The following PMPCB variants were observed in gnomAD, a reference collection of about 807,000 sequenced individuals.
PMPCB encodes the protein mitochondrial-processing peptidase subunit beta.
PMPCB carries 46 observed loss-of-function variants against 61.5 expected under a neutral mutation model. That is an observed-to-expected ratio of 0.75 (90% CI 0.59 to 0.96). The LOEUF (loss-of-function observed/expected upper bound fraction) is 0.96. Among genes scored for constraint, PMPCB ranks in the 40% least tolerant of loss-of-function variants. PMPCB has a pLI of 0.00. For synonymous variants in PMPCB, 191 were observed against 201.6 expected, an observed-to-expected ratio of 0.95 and a Z score of 0.44; for missense variants, 590 against 602.4, an observed-to-expected ratio of 0.98 and a Z score of 0.22.
In PMPCB at chr7:103,322,569, T is replaced by G. The variant is rs756305848; in HGVS notation, c.*1432-6362T>G. The G allele has an allele frequency of 1.9e-6, 3 of 1,598,592 alleles. No homozygotes were observed. The highest frequency in any genetic ancestry group is 2.2e-5 in the East Asian group (1 of 44,720). On this transcript the variant is annotated intron_variant and NMD_transcript_variant, in intron 12 of 12. Coordinates refer to the PMPCB transcript ENST00000444457. ...TTCTGCTTTTGCTTTCTTTTCTGCT[T>G]CTTTCTTGGCTTTTTCTTCTTCCTT...
At chr7:103,304,526 A>G in intron 6 of PMPCB, 36 bp downstream of exon 6, 1 of 1,380,892 alleles carries the variant, frequency 7.2e-7, no homozygotes, top group Non-Finnish European at 1.0e-6. Flanking sequence ...TGTTTTAAAC[A>G]CAGTTGTTGG....
the PMPCB span, chr7:103,337,849 G>A: frequency 1.4e-6 from 2 of 1,477,434 alleles, no homozygotes; most frequent in Non-Finnish European, 1.9e-6. Context: ...AATTTGAAAT[G>A]AAGCCAATAT....
intron 4 of PMPCB, among the ~76,000 whole-genome samples, chr7:103,302,923 T>G (rs1817486741): frequency 6.6e-6 from 1 of 152,122 alleles, no homozygotes; most frequent in South Asian, 2.1e-4. Flanking sequence ...TTTATAACAT[T>G]AATCGTATTA....
intron 12 of PMPCB, among the ~76,000 whole-genome samples, chr7:103,325,776 T>C (rs548641878): frequency 3.2e-4 from 49 of 152,296 alleles, no homozygotes; most frequent in African/African-American, 1.1e-3. Flanking sequence ...TTTAATGAAA[T>C]AAAATACGTA....
At chr7:103,335,676 G>A in the PMPCB span, 4 of 152,180 alleles carry the variant, frequency 2.6e-5, no homozygotes, top group Non-Finnish European at 5.9e-5. Context: ...CTCCCAAGTA[G>A]TTGGGCTTAC....
intron 6 of PMPCB, 21 bp downstream of exon 6, chr7:103,304,511 A>G (rs1461132098): frequency 6.6e-7 from 1 of 1,511,118 alleles, no homozygotes; most frequent in African/African-American, 1.4e-5. Flanking sequence ...TTAAATTTCT[A>G]CAAATGTTTT....
chr7:103,298,490 T>C (rs1279606859), intron 1 of PMPCB, 78 bp from the exon 2 acceptor site: 4 of 1,376,920 alleles, frequency 2.9e-6, no homozygotes, highest in Non-Finnish European at 2.0e-6. Flanking sequence ...TAAAATAGAT[T>C]TGGTTTTAAA....
chr7:103,324,623 AAC>A, intron 12 of PMPCB: 1 of 1,277,580 alleles, frequency 7.8e-7, no homozygotes, highest in Non-Finnish European at 1.0e-6. Context: ...CAGTTCAACA[AAC>A]AATTTAATTT....
At position 103,307,659 on chromosome 7, in the gene PMPCB, A is replaced by G; in HGVS notation, c.800A>G (p.His267Arg). The change falls in exon 7 of 13, where the codon CAC becomes CGC. Residue 267 changes from histidine (H) to arginine (R), a missense_variant. Coordinates refer to ENST00000249269, the MANE Select transcript of PMPCB (RefSeq NM_004279.3). ...KFHFGDSLCTHKGEIPALPPC... is the reference protein window; with the variant it reads ...KFHFGDSLCTRKGEIPALPPC... ...CATTTCGGTGACTCTTTATGCACAC[A>G]CAAAGGAGAAATACCAGCTCTGCCT... The G allele has an allele frequency of 1.2e-6, 2 of 1,613,818 alleles. No homozygotes were observed. Among genetic ancestry groups the G allele is most frequent in the East Asian group, 2.2e-5 (1 of 44,872 alleles).
chr7:103,321,742 G>C (rs1420099425), intron 12 of PMPCB, among the ~76,000 whole-genome samples: 1 of 151,514 alleles, frequency 6.6e-6, no homozygotes, highest in Non-Finnish European at 1.5e-5. Context: ...CCAGCTACTC[G>C]GGAGGCTGAG....
chr7:103,315,698 T>C, downstream of PMPCB: 2 of 1,057,186 alleles, frequency 1.9e-6, no homozygotes, highest in Non-Finnish European at 2.9e-6. Flanking sequence ...AGACCCTAAG[T>C]CTTGTACGTC....
At position 103,322,816 on chromosome 7, in the gene PMPCB, A is replaced by T. The variant is rs768146057; in HGVS notation, c.*1432-6115A>T. 7 of 1,561,968 alleles carry T rather than the reference A, an allele frequency of 4.5e-6. No individual in the cohort carries two copies. The Admixed American group carries it at 1.0e-4, about 23-fold the overall frequency. On this transcript the variant is annotated intron_variant and NMD_transcript_variant, in intron 12 of 12. Coordinates refer to the PMPCB transcript ENST00000444457. ...ACGACTATAAAATAGAAAATATTGGAAACAAACTACTGCTTATAGATGCTA... is the reference window on the plus strand; with the variant it reads ...ACGACTATAAAATAGAAAATATTGGTAACAAACTACTGCTTATAGATGCTA...
rs542215519 is a variant in PMPCB, at chr7:103,327,902, A to G, written c.*1432-1029A>G. Reference sequence around the variant, plus strand: ...TATATGCTTATTCAATGTGAAAATTATAGAGAAACTGATTTATTTCTTCTT... The same window carrying G: ...TATATGCTTATTCAATGTGAAAATTGTAGAGAAACTGATTTATTTCTTCTT... On this transcript the variant is annotated intron_variant and NMD_transcript_variant, in intron 12 of 12. Transcript: ENST00000444457. 97 of 550,126 alleles carry G rather than the reference A, an allele frequency of 1.8e-4. 1 individual carries two copies. The highest frequency in any genetic ancestry group is 6.8e-4 in the South Asian group (26 of 38,292). The allele number at this position is 550,126 out of a possible 1,614,324, so 34.1% of individuals were successfully genotyped here.
chr7:103,330,434 C>T (rs1818919542), downstream of PMPCB, among the ~76,000 whole-genome samples: 1 of 149,742 alleles, frequency 6.7e-6, no homozygotes, highest in East Asian at 2.0e-4. Context: ...ATTACAGGTG[C>T]TCTCCACCAT....
chr7:103,312,549 T>C lies in PMPCB; in HGVS notation c.*278T>C, dbSNP rs374258356. On this transcript the variant is annotated 3_prime_UTR_variant, in exon 13 of 13. Coordinates refer to ENST00000249269, the MANE Select transcript of PMPCB (RefSeq NM_004279.3). ...AGTATTTTCAGTTTTATTATAAAAA[T>C]GCACACACAACAAAGATTGTCATTT... The C allele has an allele frequency of 5.0e-6, 8 of 1,600,496 alleles. No homozygotes were observed. The highest frequency in any genetic ancestry group is 6.8e-6 in the Non-Finnish European group (8 of 1,176,220).
chr7:103,314,731 A>G (rs1817952240), downstream of PMPCB: 6 of 767,532 alleles, frequency 7.8e-6, no homozygotes, highest in South Asian at 1.2e-4. Context: ...TTCCTCCCCT[A>G]TATTAACACT....
intron 12 of PMPCB, chr7:103,324,741 G>A: frequency 2.0e-6 from 1 of 506,676 alleles, no homozygotes; most frequent in Non-Finnish European, 3.1e-6. Flanking sequence ...AAACAATGCA[G>A]GTGTGCGAAA....
At position 103,297,551 on chromosome 7, in the gene PMPCB, C is replaced by T. The variant is rs764137779; in HGVS notation, c.92C>T (p.Ala31Val). 3.1e-6 allele frequency: 5 copies of T among 1,610,108 alleles called. No homozygotes were observed. The highest frequency in any genetic ancestry group is 4.2e-6 in the Non-Finnish European group (5 of 1,177,650). Residue 31 changes from alanine to valine, a missense_variant, in exon 1 of 13, where the codon GCG becomes GTG. Transcript: ENST00000249269. ...FSESLLIRGA[A>V]GRSLYFGENR... is the part of the protein sequence containing the mutation. Reference sequence around the variant, plus strand: ...GAGAGTCTTCTAATCCGAGGCGCTGCGGGACGGGTGAGCTTCCCTCCAGGC... The same window carrying T: ...GAGAGTCTTCTAATCCGAGGCGCTGTGGGACGGGTGAGCTTCCCTCCAGGC...
Position 103,322,414 on chromosome 7 carries a change from G to C in PMPCB, c.*1432-6517G>C, listed in dbSNP as rs1174641654. ...CAGTAGCACCCAATTCTCTGCTTTC[G>C]AATTATAGTTTTTTTTAAAAAAAGA... On this transcript the variant is annotated intron_variant and NMD_transcript_variant, in intron 12 of 12. Transcript: ENST00000444457. 4.1e-6 allele frequency: 5 copies of C among 1,227,828 alleles called. No homozygotes were observed. In the East Asian group the frequency reaches 1.0e-4, roughly 25 times the overall value. 76.1% of individuals were successfully genotyped at this position (1,227,828 alleles called of 1,614,324 possible). A position where few individuals can be genotyped will look rare whatever the true frequency, so the allele number is the denominator to read the frequency against.
Sources: gnomAD v4.1 joint callset for allele counts (sites outside exome capture counted in the v4.1 genomes callset) on GRCh38, gnomAD v4.1.1 for gene constraint, MANE v1.5 for transcripts, NCBI Gene and HGNC (gene_info 2026-07-23, HGNC 2026-07-21) for gene names.